The following FSIP1 variants were observed in gnomAD, a reference collection of about 807,000 sequenced individuals.
FSIP1 encodes the protein fibrous sheath interacting protein 1, also known as fibrous sheath-interacting protein 1.
In FSIP1, 65 loss-of-function variants were observed where a neutral mutation model predicts 60.9. The ratio of observed to expected loss-of-function variants is 1.07; its 90% CI spans 0.87 to 1.31. The LOEUF (loss-of-function observed/expected upper bound fraction) is 1.31. FSIP1 is among the 40% of genes most tolerant of loss of function. The probability of loss-of-function intolerance (pLI) is 0.00; values close to 1 mark genes in which losing one functional copy is unlikely to be tolerated. For missense variants in FSIP1, 675 were observed against 665.5 expected, an observed-to-expected ratio of 1.01 and a Z score of -0.16; for synonymous variants, 209 against 221.2, an observed-to-expected ratio of 0.94 and a Z score of 0.49.
intron 10 of FSIP1, among the ~76,000 whole-genome samples, chr15:39,661,439 C>T (rs1346835709): frequency 6.6e-6 from 1 of 152,134 alleles, no homozygotes. Flanking sequence ...TTATTTTGTA[C>T]AATCTTATTA....
Position 39,610,453 on chromosome 15 carries a change from G to A in FSIP1, c.1699+7282C>T, listed in dbSNP as rs142723819. 1.6e-3 allele frequency among the ~76,000 whole-genome samples: 240 copies of A among 152,232 alleles called. 1 individual carries two copies. The highest frequency in any genetic ancestry group is 5.4e-3 in the African/African-American group (223 of 41,552). On this transcript the variant is annotated intron_variant, in intron 11 of 11. Transcript: ENST00000350221. ...TCCCAGCACTTTGGGAGGTCGAGGCGGGCAGATCACGATGTCAGCCTGGCC... is the reference window on the plus strand; with the variant it reads ...TCCCAGCACTTTGGGAGGTCGAGGCAGGCAGATCACGATGTCAGCCTGGCC...
chr15:39,618,261 A>G lies in FSIP1; in HGVS notation c.1189-16T>C. On this transcript the variant is annotated splice_polypyrimidine_tract_variant and intron_variant, in intron 10 of 11. Transcript: ENST00000350221. ...TGGACTCTAACTGATGAAACAAACCAAAAGATTACATAGTCAGTTGACTGA... is the reference window on the plus strand; with the variant it reads ...TGGACTCTAACTGATGAAACAAACCGAAAGATTACATAGTCAGTTGACTGA... 1.3e-6 allele frequency: 2 copies of G among 1,578,706 alleles called. No homozygotes were observed. The highest frequency in any genetic ancestry group is 2.7e-5 in the African/African-American group (2 of 73,640).
At position 39,770,502 on chromosome 15, in the gene FSIP1, T is replaced by G; in HGVS notation, c.235A>C (p.Lys79Gln). Residue 79 changes from lysine to glutamine, a missense_variant, in exon 3 of 12, where the codon AAA becomes CAA. Transcript: ENST00000350221. Reference protein sequence around the residue: ...NDDKQESCSEKIKLAEEGSDE... With the variant: ...NDDKQESCSEQIKLAEEGSDE... ...GATCCCTCTTCAGCCAATTTTATTT[T>G]CTCAGAGCAGCTTTCCTGCTTATCA... 2 of 1,612,146 alleles carry G rather than the reference T, an allele frequency of 1.2e-6. No homozygotes were observed. The highest frequency in any genetic ancestry group is 1.7e-6 in the Non-Finnish European group (2 of 1,179,684).
At chr15:39,659,503 C>T (rs1356618929) in intron 10 of FSIP1, among the ~76,000 whole-genome samples, 2 of 150,500 alleles carry the variant, frequency 1.3e-5, no homozygotes, top group Non-Finnish European at 1.5e-5. Context: ...GATCGTGCCA[C>T]TGCACTCCAG....
Position 39,620,631 on chromosome 15 carries a change from G to A in FSIP1, c.1189-2386C>T, listed in dbSNP as rs188327113. 1.6e-3 allele frequency among the ~76,000 whole-genome samples: 244 copies of A among 150,546 alleles called. 1 individual carries two copies. Among genetic ancestry groups the A allele is most frequent in the African/African-American group, 5.0e-3 (205 of 41,028 alleles). On this transcript the variant is annotated intron_variant, in intron 10 of 11. Coordinates refer to ENST00000350221, the MANE Select transcript of FSIP1 (RefSeq NM_152597.5). ...TTTTGACATGGAGTCTTGCTCTGTCGCGCAGGCTGGAGTGCAGTGGCGCAA... is the reference window on the plus strand; with the variant it reads ...TTTTGACATGGAGTCTTGCTCTGTCACGCAGGCTGGAGTGCAGTGGCGCAA...
intron 10 of FSIP1, among the ~76,000 whole-genome samples, chr15:39,706,678 C>T (rs563211549): frequency 1.8e-4 from 27 of 152,186 alleles, no homozygotes; most frequent in Non-Finnish European, 1.9e-4. Context: ...ATAATCCCAA[C>T]ACACTTTTCC....
downstream of FSIP1, chr15:39,599,131 C>T (rs907032766): frequency 1.3e-5 from 2 of 151,960 alleles, no homozygotes; most frequent in Admixed American, 6.6e-5. Context: ...CACCTTGTTC[C>T]GGACAAACAC....
At chr15:39,779,566 T>C (rs1252303886) in intron 1 of FSIP1, among the ~76,000 whole-genome samples, 1 of 152,232 alleles carries the variant, frequency 6.6e-6, no homozygotes, top group Non-Finnish European at 1.5e-5. Flanking sequence ...TTGCTCTGTC[T>C]TTTTCAACAA....
At chr15:39,731,135 A>G (rs1300825983) in intron 8 of FSIP1, among the ~76,000 whole-genome samples, 1 of 152,196 alleles carries the variant, frequency 6.6e-6, no homozygotes, top group Non-Finnish European at 1.5e-5. Flanking sequence ...AAGGATTATG[A>G]TATAGTCATA....
chr15:39,619,522 G>C (rs1891366393), intron 10 of FSIP1, among the ~76,000 whole-genome samples: 2 of 152,092 alleles, frequency 1.3e-5, no homozygotes, highest in South Asian at 4.1e-4. Flanking sequence ...CTGACCCTAA[G>C]GTTAATATAT....
intron 3 of FSIP1, among the ~76,000 whole-genome samples, chr15:39,767,137 C>CTGCT (rs1312779319): frequency 6.6e-6 from 1 of 152,152 alleles, no homozygotes; most frequent in Non-Finnish European, 1.5e-5. Flanking sequence ...GTGTGAGCTA[C>CTGCT]TGCTCTCAAT....
Position 39,626,670 on chromosome 15 carries a change from G to GCT in FSIP1, c.1189-8427_1189-8426dup, listed in dbSNP as rs546388331. Among the ~76,000 whole-genome samples, 551 of 152,284 alleles carry GCT rather than the reference G, an allele frequency of 3.6e-3. 2 individuals carry two copies. Among genetic ancestry groups the GCT allele is most frequent in the Non-Finnish European group, 6.1e-3 (414 of 68,028 alleles). Reference sequence around the variant, plus strand: ...TTAAAAGTGACAGTTTCCCCCGTGTGCTCTCTCTCTTGCCTGCTGCCATGT... The same window carrying GCT: ...TTAAAAGTGACAGTTTCCCCCGTGTGCTCTCTCTCTCTTGCCTGCTGCCATGT... On this transcript the variant is annotated intron_variant, in intron 10 of 11. Coordinates refer to ENST00000350221, the MANE Select transcript of FSIP1 (RefSeq NM_152597.5).
chr15:39,674,345 CAT>C (rs1436981565), intron 10 of FSIP1, among the ~76,000 whole-genome samples: 1 of 152,138 alleles, frequency 6.6e-6, no homozygotes, highest in Non-Finnish European at 1.5e-5. Flanking sequence ...TGAGCCACTG[CAT>C]CCGGCCAAAA....
chr15:39,640,392 C>G (rs994831254), intron 10 of FSIP1, among the ~76,000 whole-genome samples: 5 of 152,172 alleles, frequency 3.3e-5, no homozygotes, highest in African/African-American at 1.2e-4. Flanking sequence ...ATCCTGATAA[C>G]ATTCAATGAG....
intron 11 of FSIP1, among the ~76,000 whole-genome samples, chr15:39,606,486 T>C (rs1024294651): frequency 6.6e-6 from 1 of 152,204 alleles, no homozygotes; most frequent in Non-Finnish European, 1.5e-5. Flanking sequence ...CCTTCTCTTC[T>C]AGCTATCTGA....
chr15:39,623,223 T>C (rs1244934781), intron 10 of FSIP1, among the ~76,000 whole-genome samples: 1 of 152,194 alleles, frequency 6.6e-6, no homozygotes, highest in Admixed American at 6.5e-5. Flanking sequence ...TCTCCAGCCA[T>C]AAAAATCTCC....
chr15:39,769,228 G>A (rs993742395), intron 3 of FSIP1, among the ~76,000 whole-genome samples: 8 of 149,984 alleles, frequency 5.3e-5, no homozygotes, highest in African/African-American at 1.2e-4. Context: ...GCAGTGAGCC[G>A]AGATCGCGCC....
At chr15:39,737,984 G>A in intron 8 of FSIP1, 107 bp downstream of exon 8, 1 of 643,952 alleles carries the variant, frequency 1.6e-6, no homozygotes, top group Non-Finnish European at 2.5e-6. Flanking sequence ...AAAGAATAAT[G>A]TCTCAGAATC....
chr15:39,664,871 C>T (rs541049772), intron 10 of FSIP1, among the ~76,000 whole-genome samples: 3 of 152,162 alleles, frequency 2.0e-5, no homozygotes, highest in African/African-American at 4.8e-5. Flanking sequence ...AAGTGATCTC[C>T]CTCCTCTCTA....
Sources: allele counts gnomAD v4.1 joint callset (sites outside exome capture counted in the v4.1 genomes callset), GRCh38; gene constraint gnomAD v4.1.1; transcripts MANE v1.5; gene names NCBI Gene and HGNC (gene_info 2026-07-23, HGNC 2026-07-21).